The following AKAP11 variants were observed in gnomAD, a reference collection of about 807,000 sequenced individuals.
AKAP11 encodes A-kinase anchoring protein 11, also known as A-kinase anchor protein 11.
In AKAP11, 36 loss-of-function variants were observed where a neutral mutation model predicts 146.1. The observed-to-expected ratio is 0.25, with a 90% CI of 0.19 to 0.33. The LOEUF (loss-of-function observed/expected upper bound fraction) is 0.33, where lower values mean the gene tolerates loss of function less well. Ranked by LOEUF, AKAP11 falls within the 10% of genes least tolerant of loss-of-function variation. The probability of loss-of-function intolerance (pLI) is 1.00; values close to 1 mark genes in which losing one functional copy is unlikely to be tolerated. For synonymous variants in AKAP11, 780 were observed against 786.5 expected (o/e 0.99, Z 0.14); for missense variants, 2,201 against 2,197.0 (o/e 1.00, Z -0.04).
chr13:42,301,439 A>ACTTCC lies in AKAP11; in HGVS notation c.2693_2694insCTTCC (p.Lys898AsnfsTer12). On this transcript the variant is annotated frameshift_variant, in exon 8 of 13. Transcript: ENST00000025301. LOFTEE classifies it high-confidence loss of function. ...TCAATGACATCATTGGAAGTTACAA[A>ACTTCC]AATGGTTGATGAACGTACAGATTAT... 6.2e-7 allele frequency: 1 copy of ACTTCC among 1,613,246 alleles called. No individual in the cohort carries two copies. The highest frequency in any genetic ancestry group is 8.5e-7 in the Non-Finnish European group (1 of 1,179,764).
At position 42,300,317 on chromosome 13, in the gene AKAP11, A is replaced by C; in HGVS notation, c.1571A>C (p.Lys524Thr). The C allele has an allele frequency of 2.5e-6, 4 of 1,611,784 alleles. No homozygotes were observed. Among genetic ancestry groups the C allele is most frequent in the Non-Finnish European group, 3.4e-6 (4 of 1,179,188 alleles). Residue 524 changes from lysine to threonine, a missense_variant, in exon 8 of 13, where the codon AAA becomes ACA. By Grantham distance (78) the Lys-to-Thr change is moderately conservative. Coordinates refer to ENST00000025301, the MANE Select transcript of AKAP11 (RefSeq NM_016248.4). ...AACAGTATTAAACATGGAGAAAATA[A>C]AACTGTAACTTTTAAGCATGGAAAC... The part of the protein sequence containing the change: ...NINSIKHGEN[K>T]TVTFKHGNLD...
Position 42,301,659 on chromosome 13 carries a change from G to A in AKAP11, c.2913G>A (p.Leu971=). The part of the protein sequence containing the change: ...IDKNAVYKES[L]PVSGEESQLT... ...AAAATGCAGTATACAAGGAAAGCTT[G>A]CCTGTTTCTGGAGAAGAATCACAGT... The change falls in exon 8 of 13, where the codon TTG becomes TTA. Residue 971 remains leucine (L), a synonymous_variant. Transcript: ENST00000025301. The A allele has an allele frequency of 6.2e-7, 1 of 1,614,106 alleles. No individual in the cohort carries two copies. Among genetic ancestry groups the A allele is most frequent in the Non-Finnish European group, 8.5e-7 (1 of 1,179,994 alleles).
intron 5 of AKAP11, among the ~76,000 whole-genome samples, chr13:42,296,659 A>C (rs1047518568): frequency 3.9e-5 from 6 of 152,046 alleles, no homozygotes; most frequent in Non-Finnish European, 7.4e-5. Flanking sequence ...TTTAAAAAAA[A>C]GTTTTTAAGA....
intron 9 of AKAP11, among the ~76,000 whole-genome samples, chr13:42,309,275 G>A (rs975861304): frequency 6.6e-6 from 1 of 152,132 alleles, no homozygotes; most frequent in Non-Finnish European, 1.5e-5. Flanking sequence ...AGGCATTTCT[G>A]ACTAACCTAT....
Position 42,272,238 on chromosome 13 carries a change from G to A in AKAP11, c.-100+10G>A, listed in dbSNP as rs1293817562. ...AGGCTGCGGCCCCCAGGTGAGCCGG[G>A]CGCCGACGTGCTCGCCGCGGAGGCT... is the stretch of plus-strand genomic sequence containing the variant. On this transcript the variant is annotated intron_variant, in intron 1 of 12. Coordinates refer to ENST00000025301, the MANE Select transcript of AKAP11 (RefSeq NM_016248.4). 1 of 152,504 alleles carries A rather than the reference G, an allele frequency of 6.6e-6. No individual in the cohort carries two copies. Among genetic ancestry groups the A allele is most frequent in the East Asian group, 1.9e-4 (1 of 5,188 alleles). The allele number at this position is 152,504 out of a possible 1,614,324, so 9.4% of individuals were successfully genotyped here. A position where few individuals can be genotyped will look rare whatever the true frequency, so the allele number is the denominator to read the frequency against.
intron 1 of AKAP11, among the ~76,000 whole-genome samples, chr13:42,274,290 G>A (rs1331678022): frequency 6.6e-6 from 1 of 152,070 alleles, no homozygotes; most frequent in Admixed American, 6.5e-5. Context: ...TGGTAATATG[G>A]GGAAGAGAAA....
chr13:42,319,906 G>GGTGTGTGTGTGTGTGTGTGTGTGT lies in AKAP11; in HGVS notation c.*699_*722dup, dbSNP rs3038992. The stretch of plus-strand genomic sequence containing the variant: ...TGCTGCCAGTCATTCTGGCATGAAA[G>GGTGTGTGTGTGTGTGTGTGTGTGT]GTGTGTGTGTGTGTGTGTGTGTGTG... On this transcript the variant is annotated 3_prime_UTR_variant, in exon 13 of 13. Transcript: ENST00000025301. The GGTGTGTGTGTGTGTGTGTGTGTGT allele has an allele frequency of 3.2e-4, 42 of 132,662 alleles. No homozygotes were observed. The highest frequency in any genetic ancestry group is 7.1e-4 in the African/African-American group (26 of 36,464). 8.2% of individuals were successfully genotyped at this position (132,662 alleles called of 1,614,324 possible).
chr13:42,285,304 G>A (rs1000301739), intron 1 of AKAP11, among the ~76,000 whole-genome samples: 5 of 152,026 alleles, frequency 3.3e-5, no homozygotes, highest in African/African-American at 9.7e-5. Flanking sequence ...TCAGCCTCTC[G>A]AGTAGCTGAG....
Position 42,302,833 on chromosome 13 carries a change from A to G in AKAP11, c.4087A>G (p.Ile1363Val), listed in dbSNP as rs1392730504. ...ACAGGAAGGTGGTAATAGTGAGTTG[A>G]TAATGGATCAGTATGCCAATAGGCT... ...LKQEGGNSEL[I>V]MDQYANRLAY... The change falls in exon 8 of 13, where the codon ATA becomes GTA. Residue 1363 changes from isoleucine (I) to valine (V), a missense_variant. This residue lies in a region of AKAP11 where 1,867 missense variants were observed against 1,833.5 expected (regional missense o/e 1.02). Coordinates refer to ENST00000025301, the MANE Select transcript of AKAP11 (RefSeq NM_016248.4). 2 of 1,614,166 alleles carry G rather than the reference A, an allele frequency of 1.2e-6. No homozygotes were observed. Among genetic ancestry groups the G allele is most frequent in the Non-Finnish European group, 1.7e-6 (2 of 1,180,036 alleles).
chr13:42,306,247 A>T (rs1960251641), intron 8 of AKAP11, among the ~76,000 whole-genome samples: 1 of 152,188 alleles, frequency 6.6e-6, no homozygotes, highest in African/African-American at 2.4e-5. Context: ...TTTACAATTG[A>T]AATAATTTTC....
chr13:42,273,349 A>G (rs1958826694), intron 1 of AKAP11, among the ~76,000 whole-genome samples: 1 of 151,986 alleles, frequency 6.6e-6, no homozygotes, highest in Non-Finnish European at 1.5e-5. Context: ...AAATAGTGCA[A>G]TTGAATGATT....
At chr13:42,314,015 C>T (rs1169507691) in intron 11 of AKAP11, 75 bp downstream of exon 11, 4 of 1,419,748 alleles carry the variant, frequency 2.8e-6, no homozygotes, top group Non-Finnish European at 4.0e-6. Flanking sequence ...TATGCATTTT[C>T]ATCAGATAGG....
chr13:42,318,962 A>G lies in AKAP11; in HGVS notation c.5566-126A>G, dbSNP rs1158948953. 3.4e-6 allele frequency: 4 copies of G among 1,162,402 alleles called. No individual in the cohort carries two copies. In the East Asian group the frequency reaches 7.7e-5, roughly 22 times the overall value. 72.0% of individuals were successfully genotyped at this position (1,162,402 alleles called of 1,614,324 possible). On this transcript the variant is annotated intron_variant, in intron 12 of 12. Transcript: ENST00000025301. The stretch of plus-strand genomic sequence containing the variant: ...GGTTTAGAGGGGAAGACCTTGTTAT[A>G]ACTAGGAAACGGTATTTAATTGTAA...
In AKAP11 at chr13:42,301,591, C is replaced by T. The variant is rs780056010; in HGVS notation, c.2845C>T (p.His949Tyr). 4.3e-6 allele frequency: 7 copies of T among 1,613,936 alleles called. No individual in the cohort carries two copies. The highest frequency in any genetic ancestry group is 2.7e-5 in the African/African-American group (2 of 74,902). ...ADRLSKSIIK[H>Y]SIDKSKSVIP... ...CCGGTTATCTAAATCTATTATTAAA[C>T]ATTCCATAGATAAGAGCAAATCAGT... The change falls in exon 8 of 13, where the codon CAT becomes TAT. Residue 949 changes from histidine to tyrosine, a missense_variant. Coordinates refer to ENST00000025301, the MANE Select transcript of AKAP11 (RefSeq NM_016248.4).
chr13:42,319,946 TGTGTA>T lies in AKAP11; in HGVS notation c.*719_*723del, dbSNP rs1289885183. On this transcript the variant is annotated 3_prime_UTR_variant, in exon 13 of 13. Coordinates refer to ENST00000025301, the MANE Select transcript of AKAP11 (RefSeq NM_016248.4). The stretch of plus-strand genomic sequence containing the variant: ...GTGTGTGTGTGTGTGTGTGTGTGTG[TGTGTA>T]AGGGAGTACTTTAACCTTGCCAGTT... The T allele has an allele frequency of 1.4e-5, 2 of 143,452 alleles. No individual in the cohort carries two copies. Among genetic ancestry groups the T allele is most frequent in the African/African-American group, 2.6e-5 (1 of 39,126 alleles). The allele number at this position is 143,452 out of a possible 1,614,324, so 8.9% of individuals were successfully genotyped here.
In AKAP11 at chr13:42,299,762, C is replaced by T. The variant is rs1566271695; in HGVS notation, c.1016C>T (p.Pro339Leu). 1.9e-6 allele frequency: 3 copies of T among 1,613,868 alleles called. No homozygotes were observed. The highest frequency in any genetic ancestry group is 2.5e-6 in the Non-Finnish European group (3 of 1,179,898). ...LKAKLELPKI[P>L]VMKDDIEDSD... ...GCAAAACTTGAGCTGCCTAAAATTC[C>T]TGTGATGAAAGATGATATAGAGGAT... The change falls in exon 8 of 13, where the codon CCT (proline) becomes CTT (leucine). Residue 339 changes from proline to leucine, a missense_variant. This residue lies in a region of AKAP11 where 1,867 missense variants were observed against 1,833.5 expected (regional missense o/e 1.02). Transcript: ENST00000025301.
intron 8 of AKAP11, 61 bp from the exon 9 acceptor site, chr13:42,308,393 T>C: frequency 7.2e-7 from 1 of 1,383,620 alleles, no homozygotes. Context: ...TTGATAGTCT[T>C]GTAAGTTCAG....
At chr13:42,273,136 A>C (rs951417853) in intron 1 of AKAP11, among the ~76,000 whole-genome samples, 1 of 152,208 alleles carries the variant, frequency 6.6e-6, no homozygotes, top group Non-Finnish European at 1.5e-5. Context: ...CAGCTTTTCA[A>C]TCGCTTGCAA....
rs1959562871 is a variant in AKAP11 at position 42,297,144 on chromosome 13, A to C, written c.313A>C (p.Asn105His). The C allele has an allele frequency of 6.4e-7, 1 of 1,571,642 alleles. No homozygotes were observed. The highest frequency in any genetic ancestry group is 8.7e-7 in the Non-Finnish European group (1 of 1,155,874). Residue 105 changes from asparagine (N) to histidine (H), a missense_variant, in exon 6 of 13, where the codon AAT (asparagine) becomes CAT (histidine). By Grantham distance (68) the Asn-to-His change is moderately conservative. Coordinates refer to ENST00000025301, the MANE Select transcript of AKAP11 (RefSeq NM_016248.4). ...ENEIICMKNI[N>H]KPLDISSDPL... ...TGAAATTATTTGTATGAAGAATATA[A>C]ATAAACCATTAGATATAAGCAGTGA...
Sources: gnomAD v4.1 joint callset for allele counts (sites outside exome capture counted in the v4.1 genomes callset) on GRCh38, gnomAD v4.1.1 for gene constraint, gnomAD v4.1.1 regional missense constraint, MANE v1.5 for transcripts, NCBI Gene and HGNC (gene_info 2026-07-23, HGNC 2026-07-21) for gene names.